Variants in PPP1R12A observed in about 807,000 individuals in gnomAD.
The protein encoded by PPP1R12A is myosin binding subunit.
Under a neutral mutation model 139.6 loss-of-function variants are expected in PPP1R12A, and 19 were observed. The ratio of observed to expected loss-of-function variants is 0.14; its 90% CI spans 0.09 to 0.20. The LOEUF (loss-of-function observed/expected upper bound fraction) is 0.20. Among genes scored for constraint, PPP1R12A ranks in the 10% least tolerant of loss-of-function variants. The pLI is 1.00. For synonymous variants in PPP1R12A, 427 were observed against 420.6 expected (o/e 1.02, Z -0.19); for missense variants, 925 against 1,211.5 (o/e 0.76, Z 3.51).
At chr12:79,829,627 T>C (rs1454205818) in intron 4 of PPP1R12A, among the ~76,000 whole-genome samples, 1 of 151,960 alleles carries the variant, frequency 6.6e-6, no homozygotes, top group Non-Finnish European at 1.5e-5. Flanking sequence ...TTAAGAGCCA[T>C]TATCTAAAGA....
At chr12:79,845,521 A>C in intron 2 of PPP1R12A, 101 bp from the exon 3 acceptor site, 2 of 816,424 alleles carry the variant, frequency 2.4e-6, no homozygotes, top group Non-Finnish European at 3.9e-6. Context: ...AGCAGCAATA[A>C]AGGGCAGTAT....
intron 24 of PPP1R12A, among the ~76,000 whole-genome samples, chr12:79,777,945 T>C (rs1869937120): frequency 6.6e-6 from 1 of 152,180 alleles, no homozygotes; most frequent in African/African-American, 2.4e-5. Context: ...ATTCTGTGGG[T>C]ACAATATACT....
intron 16 of PPP1R12A, 48 bp downstream of exon 16, chr12:79,797,147 G>A (rs1373528744): frequency 6.9e-7 from 1 of 1,452,204 alleles, no homozygotes; most frequent in Non-Finnish European, 9.3e-7. Flanking sequence ...AGGATCATAA[G>A]GACTATTCAT....
chr12:79,779,082 TGAC>T (rs749123502), intron 23 of PPP1R12A: 5 of 318,818 alleles, frequency 1.6e-5, no homozygotes, highest in Non-Finnish European at 3.1e-5. Flanking sequence ...TTTATCCAAC[TGAC>T]TTTATAGCTT....
chr12:79,832,444 T>C lies in PPP1R12A; in HGVS notation c.535A>G (p.Arg179Gly). The C allele has an allele frequency of 6.2e-7, 1 of 1,613,242 alleles. No homozygotes were observed. Among genetic ancestry groups the C allele is most frequent in the Middle Eastern group, 1.7e-4 (1 of 6,050 alleles). ...ARKEEERIML[R>G]DARQWLNSGH... ...CTATTTAGCCACTGCCTGGCATCTC[T>C]AAGCATGATCCGTTCTTCTTCCTTT... The change falls in exon 4 of 25, where the codon AGA becomes GGA. Residue 179 changes from arginine (R) to glycine (G), a missense_variant. Arg to Gly is a moderately radical substitution (Grantham distance 125). This residue lies in a region of PPP1R12A where 199 missense variants were observed against 352.4 expected (regional missense o/e 0.56). Coordinates refer to ENST00000450142, the MANE Select transcript of PPP1R12A (RefSeq NM_002480.3).
At position 79,778,923 on chromosome 12, in the gene PPP1R12A, AAAC is replaced by A. The variant is rs1266723025; in HGVS notation, c.2956-326_2956-324del. 6 of 232,548 alleles carry A rather than the reference AAAC, an allele frequency of 2.6e-5. No homozygotes were observed. The East Asian group carries it at 5.2e-4, about 20-fold the overall frequency. The allele number at this position is 232,548 out of a possible 1,614,324, so 14.4% of individuals were successfully genotyped here. Reference sequence around the variant, plus strand: ...AGACTGAAGACTGTACAGAGAAGAAAAACAAAACTCACACAAAGATGCAATCAT... The same window carrying A: ...AGACTGAAGACTGTACAGAGAAGAAAAAAACTCACACAAAGATGCAATCAT... On this transcript the variant is annotated intron_variant, in intron 23 of 24. Coordinates refer to ENST00000450142, the MANE Select transcript of PPP1R12A (RefSeq NM_002480.3).
chr12:79,789,242 T>A (rs1871500649), intron 20 of PPP1R12A, among the ~76,000 whole-genome samples: 1 of 152,172 alleles, frequency 6.6e-6, no homozygotes. Context: ...CCTATTTTTT[T>A]AATACTACTA....
chr12:79,887,164 C>T (rs1050612820), intron 1 of PPP1R12A, among the ~76,000 whole-genome samples: 4 of 152,122 alleles, frequency 2.6e-5, no homozygotes, highest in Non-Finnish European at 5.9e-5. Flanking sequence ...ACAGCAAATA[C>T]ATAATACATA....
At chr12:79,913,557 C>T (rs1395679550) in intron 1 of PPP1R12A, among the ~76,000 whole-genome samples, 1 of 152,200 alleles carries the variant, frequency 6.6e-6, no homozygotes, top group African/African-American at 2.4e-5. Context: ...TGCACTAACA[C>T]CACATTGTCT....
intron 21 of PPP1R12A, chr12:79,787,685 T>C (rs1416044383): frequency 6.6e-6 from 1 of 152,174 alleles, no homozygotes; most frequent in East Asian, 1.9e-4. Flanking sequence ...GGTAATTTTG[T>C]ATTTTTGGTA....
chr12:79,817,603 T>G, intron 8 of PPP1R12A, 85 bp from the exon 9 acceptor site: 1 of 1,329,240 alleles, frequency 7.5e-7, no homozygotes, highest in Non-Finnish European at 1.0e-6. Flanking sequence ...TATTCCATTT[T>G]TGTTTAAGGT....
chr12:79,822,615 T>C (rs1368582017), intron 5 of PPP1R12A, among the ~76,000 whole-genome samples: 1 of 152,206 alleles, frequency 6.6e-6, no homozygotes, highest in Admixed American at 6.5e-5. Context: ...TCTGTCTCTA[T>C]AGGTCTACCT....
At chr12:79,870,014 T>C (rs956205384) in intron 2 of PPP1R12A, among the ~76,000 whole-genome samples, 1 of 151,906 alleles carries the variant, frequency 6.6e-6, no homozygotes, top group African/African-American at 2.4e-5. Context: ...CAGACTATTA[T>C]TTTTCTATAC....
At chr12:79,839,699 T>C (rs1401289511) in intron 3 of PPP1R12A, among the ~76,000 whole-genome samples, 2 of 152,306 alleles carry the variant, frequency 1.3e-5, no homozygotes, top group East Asian at 3.9e-4. Flanking sequence ...AGGATATGTT[T>C]GCCTTCCCAT....
chr12:79,910,410 G>A (rs1886473039), intron 1 of PPP1R12A, among the ~76,000 whole-genome samples: 1 of 152,074 alleles, frequency 6.6e-6, no homozygotes, highest in African/African-American at 2.4e-5. Flanking sequence ...AACCTGGGAG[G>A]TGGGAGGTTG....
At chr12:79,861,927 A>C (rs1275553566) in intron 2 of PPP1R12A, among the ~76,000 whole-genome samples, 1 of 152,034 alleles carries the variant, frequency 6.6e-6, no homozygotes, top group East Asian at 1.9e-4. Flanking sequence ...CCAGACTTAA[A>C]CGTCTGTGCC....
At position 79,778,847 on chromosome 12, in the gene PPP1R12A, A is replaced by G. The variant is rs116395064; in HGVS notation, c.2956-247T>C. On this transcript the variant is annotated intron_variant, in intron 23 of 24. Transcript: ENST00000450142. The stretch of plus-strand genomic sequence containing the variant: ...TTTCTGGGAAGATGCTACATAACAT[A>G]TTCAAACTACTTTTTGAGTTCATGT... 3.1e-3 allele frequency: 930 copies of G among 304,846 alleles called. 6 individuals are homozygous for G. Among genetic ancestry groups the G allele is most frequent in the African/African-American group, 0.018 (869 of 47,204 alleles). 18.9% of individuals were successfully genotyped at this position (304,846 alleles called of 1,614,324 possible).
At chr12:79,787,389 C>A (rs1026947908) in intron 21 of PPP1R12A, 1 of 152,232 alleles carries the variant, frequency 6.6e-6, no homozygotes, top group Non-Finnish European at 1.5e-5. Flanking sequence ...ATTCTCCCCC[C>A]ACCAGGTCTA....
intron 2 of PPP1R12A, among the ~76,000 whole-genome samples, chr12:79,862,012 A>G (rs2137285465): frequency 6.6e-6 from 1 of 152,256 alleles, no homozygotes; most frequent in South Asian, 2.1e-4. Context: ...TGCCTACTCA[A>G]CAGGGTCCCC....
Sources: allele counts gnomAD v4.1 joint callset (sites outside exome capture counted in the v4.1 genomes callset), GRCh38; gene constraint gnomAD v4.1.1; regional missense constraint gnomAD v4.1.1; transcripts MANE v1.5; gene names NCBI Gene and HGNC (gene_info 2026-07-23, HGNC 2026-07-21).